The following ZNRF1 variants were observed in gnomAD, a reference collection of about 807,000 sequenced individuals.
The protein encoded by ZNRF1 is E3 ubiquitin-protein ligase ZNRF1.
ZNRF1 carries 3 observed loss-of-function variants against 18.4 expected under a neutral mutation model. The ratio of observed to expected loss-of-function variants is 0.16; its 90% CI spans 0.07 to 0.42. The LOEUF (loss-of-function observed/expected upper bound fraction) is 0.42, where lower values mean the gene tolerates loss of function less well. ZNRF1 is among the 10% of genes least tolerant of loss of function. ZNRF1 has a pLI of 0.99. For synonymous variants in ZNRF1, 157 were observed against 144.2 expected (o/e 1.09, Z -0.64); for missense variants, 310 against 329.8 (o/e 0.94, Z 0.47).
At chr16:75,096,242 T>A (rs144001680) in intron 2 of ZNRF1, among the ~76,000 whole-genome samples, 4 of 152,280 alleles carry the variant, frequency 2.6e-5, no homozygotes, top group African/African-American at 9.6e-5. Flanking sequence ...GAAACAATGG[T>A]CCGGCCCTCT....
chr16:75,091,488 C>T (rs1014661609), intron 1 of ZNRF1, among the ~76,000 whole-genome samples: 6 of 151,436 alleles, frequency 4.0e-5, no homozygotes, highest in East Asian at 1.9e-4. Context: ...TCTTGAACTA[C>T]GTGGGAGACT....
At chr16:75,087,967 T>C (rs1268736766) in intron 1 of ZNRF1, among the ~76,000 whole-genome samples, 4 of 152,256 alleles carry the variant, frequency 2.6e-5, no homozygotes, top group Middle Eastern at 3.2e-3. Context: ...TGTAGATGTC[T>C]CCTGAAGCAT....
intron 2 of ZNRF1, among the ~76,000 whole-genome samples, chr16:75,103,851 G>A (rs1276368130): frequency 6.6e-6 from 1 of 152,140 alleles, no homozygotes; most frequent in Middle Eastern, 3.2e-3. Flanking sequence ...CAGGCGTGGT[G>A]GTGGGCGCCT....
At chr16:75,018,941 G>A (rs1450303979) in intron 1 of ZNRF1, among the ~76,000 whole-genome samples, 3 of 152,064 alleles carry the variant, frequency 2.0e-5, no homozygotes, top group South Asian at 2.1e-4. Context: ...TGAGGCAGGC[G>A]GATCATTTGA....
At chr16:75,094,537 C>G (rs2036176873) in intron 2 of ZNRF1, among the ~76,000 whole-genome samples, 1 of 152,150 alleles carries the variant, frequency 6.6e-6, no homozygotes, top group African/African-American at 2.4e-5. Context: ...GTTTTCTGCT[C>G]TGTAAAATGT....
At chr16:75,012,342 G>A (rs2035009805) in intron 1 of ZNRF1, among the ~76,000 whole-genome samples, 1 of 152,214 alleles carries the variant, frequency 6.6e-6, no homozygotes, top group African/African-American at 2.4e-5. Flanking sequence ...GCCATTTATA[G>A]GCAGAACATC....
At chr16:75,043,806 T>TTTTTTTTTTTTTTA (rs1567476290) in intron 1 of ZNRF1, among the ~76,000 whole-genome samples, 18 of 147,592 alleles carry the variant, frequency 1.2e-4, no homozygotes, top group Non-Finnish European at 1.8e-4. Flanking sequence ...TTTTTTTTTT[T>TTTTTTTTTTTTTTA]GAGACAGAGT....
At chr16:75,106,232 C>G (rs1194555653) in intron 3 of ZNRF1, 7 of 510,616 alleles carry the variant, frequency 1.4e-5, no homozygotes, top group Non-Finnish European at 2.1e-5. Context: ...CCACTCTGCC[C>G]CTTCCTGCAG....
intron 1 of ZNRF1, among the ~76,000 whole-genome samples, chr16:75,089,008 A>G (rs1380447788): frequency 6.6e-6 from 1 of 152,184 alleles, no homozygotes; most frequent in East Asian, 1.9e-4. Context: ...TGGACTCTGC[A>G]TAGCCCATGG....
intron 1 of ZNRF1, among the ~76,000 whole-genome samples, chr16:75,003,470 C>T (rs1481944967): frequency 1.3e-5 from 2 of 152,112 alleles, no homozygotes; most frequent in Non-Finnish European, 2.9e-5. Flanking sequence ...CACTCTGACT[C>T]TATGGAGTAA....
Position 75,110,043 on chromosome 16 carries a change from T to A in ZNRF1, c.*2343T>A, listed in dbSNP as rs892160454. On this transcript the variant is annotated 3_prime_UTR_variant, in exon 5 of 5. Transcript: ENST00000335325. ...TAAGCCTGCTGCTTTGGCAGTGCCA[T>A]GGGTGAGCCGAGCAGCTGTGAGGTG... The A allele has an allele frequency of 6.6e-6, 1 of 152,394 alleles. No homozygotes were observed. Among genetic ancestry groups the A allele is most frequent in the African/African-American group, 2.4e-5 (1 of 41,474 alleles). The allele number at this position is 152,394 out of a possible 1,614,324, so 9.4% of individuals were successfully genotyped here.
At position 75,100,399 on chromosome 16, in the gene ZNRF1, C is replaced by T. The variant is rs374766953; in HGVS notation, c.521-4385C>T. Among the ~76,000 whole-genome samples the T allele has an allele frequency of 3.9e-5, 6 of 152,328 alleles. No homozygotes were observed. In the South Asian group the frequency reaches 1.0e-3, roughly 26 times the overall value. ...CTCGCGCCCCCTTCCCCTTCCCCTT[C>T]CCTTTCCCCTAGTGAGGTTCGGTGC... On this transcript the variant is annotated intron_variant, in intron 2 of 4. Transcript: ENST00000335325.
intron 1 of ZNRF1, among the ~76,000 whole-genome samples, chr16:75,025,499 C>T (rs2035209861): frequency 1.3e-5 from 2 of 152,110 alleles, no homozygotes; most frequent in African/African-American, 4.8e-5. Flanking sequence ...CTGTTTAGCT[C>T]TTTGTTAGGG....
chr16:75,023,226 C>G (rs2035177209), intron 1 of ZNRF1, among the ~76,000 whole-genome samples: 2 of 152,126 alleles, frequency 1.3e-5, no homozygotes, highest in African/African-American at 4.8e-5. Flanking sequence ...CTCTCCACCC[C>G]CTTAAATTGC....
At chr16:75,086,732 A>G (rs757690781) in intron 1 of ZNRF1, among the ~76,000 whole-genome samples, 4 of 152,232 alleles carry the variant, frequency 2.6e-5, no homozygotes, top group African/African-American at 4.8e-5. Context: ...GCTGGAAACT[A>G]AGAACTGAAT....
At chr16:75,026,964 T>A (rs1015239888) in intron 1 of ZNRF1, among the ~76,000 whole-genome samples, 1 of 152,004 alleles carries the variant, frequency 6.6e-6, no homozygotes, top group Non-Finnish European at 1.5e-5. Flanking sequence ...TTCATCTTAT[T>A]AAGTGCCCGG....
At chr16:75,097,778 T>C (rs1175586281) in intron 2 of ZNRF1, among the ~76,000 whole-genome samples, 1 of 152,176 alleles carries the variant, frequency 6.6e-6, no homozygotes, top group African/African-American at 2.4e-5. Context: ...ATCACGCCAC[T>C]GCACTCCAGC....
intron 1 of ZNRF1, among the ~76,000 whole-genome samples, chr16:75,072,780 G>A (rs558049266): frequency 2.0e-5 from 3 of 152,262 alleles, no homozygotes; most frequent in Admixed American, 2.0e-4. Flanking sequence ...TGTAAACAGA[G>A]CTGTGACATG....
At chr16:75,037,114 G>T (rs2035385517) in intron 1 of ZNRF1, among the ~76,000 whole-genome samples, 1 of 152,182 alleles carries the variant, frequency 6.6e-6, no homozygotes, top group South Asian at 2.1e-4. Flanking sequence ...ATTTCAATCT[G>T]TCGATTCCAG....
Sources: allele counts gnomAD v4.1 joint callset (sites outside exome capture counted in the v4.1 genomes callset), GRCh38; gene constraint gnomAD v4.1.1; transcripts MANE v1.5; gene names NCBI Gene and HGNC (gene_info 2026-07-23, HGNC 2026-07-21).